Variants in NWD2 observed in about 807,000 individuals in gnomAD.
NWD2 encodes the protein NACHT and WD repeat domain containing 2.
Under a neutral mutation model 132.7 loss-of-function variants are expected in NWD2, and 37 were observed. That is an observed-to-expected ratio of 0.28 (90% CI 0.21 to 0.37). The LOEUF (loss-of-function observed/expected upper bound fraction) is 0.37, where lower values mean the gene tolerates loss of function less well. Among genes scored for constraint, NWD2 ranks in the 10% least tolerant of loss-of-function variants. NWD2 has a pLI of 1.00. For missense variants in NWD2, 1,592 were observed against 2,122.4 expected (o/e 0.75, Z 4.91); for synonymous variants, 705 against 803.0 (o/e 0.88, Z 2.06).
intron 1 of NWD2, among the ~76,000 whole-genome samples, chr4:37,318,372 C>T (rs1301797807): frequency 6.6e-6 from 1 of 152,064 alleles, no homozygotes; most frequent in East Asian, 1.9e-4. Flanking sequence ...GAAGGTCTTG[C>T]CTTCCATGAA....
intron 3 of NWD2, among the ~76,000 whole-genome samples, chr4:37,417,458 A>C (rs1262396254): frequency 6.6e-6 from 1 of 152,214 alleles, no homozygotes; most frequent in Admixed American, 6.5e-5. Flanking sequence ...TTGCTAATAG[A>C]CTAATGGGGT....
chr4:37,302,141 C>T (rs1004154199), intron 1 of NWD2, among the ~76,000 whole-genome samples: 2 of 151,808 alleles, frequency 1.3e-5, no homozygotes, highest in African/African-American at 4.8e-5. Context: ...AATCTAGTAT[C>T]CACAATTCTA....
At chr4:37,313,510 C>A in intron 1 of NWD2, among the ~76,000 whole-genome samples, 1 of 135,434 alleles carries the variant, frequency 7.4e-6, no homozygotes, top group Non-Finnish European at 1.6e-5. Context: ...CTAGTTGATT[C>A]TTCTGTCTTT....
rs143640574 is a variant in NWD2 at position 37,267,311 on chromosome 4, G to A, written c.151+22093G>A. On this transcript the variant is annotated intron_variant, in intron 1 of 6. Coordinates refer to ENST00000309447, the MANE Select transcript of NWD2 (RefSeq NM_001144990.2). ...TTGGTGGTTTACTATGATTATTTAT[G>A]CATATTAAGGCCTGTGACTCATAAT... 2.8e-3 allele frequency among the ~76,000 whole-genome samples: 426 copies of A among 151,996 alleles called. 3 individuals are homozygous for A. The highest frequency in any genetic ancestry group is 9.8e-3 in the African/African-American group (406 of 41,500).
At chr4:37,385,012 G>T (rs1720532462) in intron 3 of NWD2, among the ~76,000 whole-genome samples, 2 of 152,104 alleles carry the variant, frequency 1.3e-5, no homozygotes, top group African/African-American at 4.8e-5. Flanking sequence ...TATGTATCAA[G>T]ACATCATATT....
At chr4:37,257,697 A>G (rs1038767948) in intron 1 of NWD2, among the ~76,000 whole-genome samples, 1 of 152,194 alleles carries the variant, frequency 6.6e-6, no homozygotes, top group Non-Finnish European at 1.5e-5. Flanking sequence ...CATGCCACCT[A>G]TATGATCATA....
chr4:37,405,508 T>C (rs1233155108), intron 3 of NWD2, among the ~76,000 whole-genome samples: 1 of 151,736 alleles, frequency 6.6e-6, no homozygotes, highest in Non-Finnish European at 1.5e-5. Flanking sequence ...TCAGGGCGAA[T>C]TGCATGTAAT....
At chr4:37,335,304 G>GGT (rs1719381696) in intron 2 of NWD2, among the ~76,000 whole-genome samples, 1 of 115,888 alleles carries the variant, frequency 8.6e-6, no homozygotes, top group Non-Finnish European at 1.7e-5. Context: ...GGTGGGCGGG[G>GGT]GGGGGGGGCT....
chr4:37,264,422 C>T (rs923569218), intron 1 of NWD2, among the ~76,000 whole-genome samples: 4 of 152,110 alleles, frequency 2.6e-5, no homozygotes, highest in Admixed American at 6.6e-5. Flanking sequence ...TCATAACCAG[C>T]TGACCTTTTT....
At chr4:37,302,698 A>G (rs764415076) in intron 1 of NWD2, among the ~76,000 whole-genome samples, 1 of 151,894 alleles carries the variant, frequency 6.6e-6, no homozygotes, top group Non-Finnish European at 1.5e-5. Context: ...TTTGATTTGT[A>G]TTTCCCTGAT....
At chr4:37,314,549 A>G (rs1718919074) in intron 1 of NWD2, among the ~76,000 whole-genome samples, 1 of 152,198 alleles carries the variant, frequency 6.6e-6, no homozygotes, top group Non-Finnish European at 1.5e-5. Context: ...TATTAGAAAT[A>G]AAGTTGTTGT....
At chr4:37,326,254 CTT>C (rs763057502) in intron 2 of NWD2, among the ~76,000 whole-genome samples, 4 of 152,090 alleles carry the variant, frequency 2.6e-5, no homozygotes, top group Non-Finnish European at 5.9e-5. Context: ...ATGGGCTCAT[CTT>C]TTTCTTTGAA....
At chr4:37,405,755 C>T (rs1230369844) in intron 3 of NWD2, among the ~76,000 whole-genome samples, 2 of 152,146 alleles carry the variant, frequency 1.3e-5, no homozygotes, top group African/African-American at 4.8e-5. Context: ...TATAATTTCA[C>T]CCAGAGTGCT....
At chr4:37,397,253 G>T (rs1266902369) in intron 3 of NWD2, among the ~76,000 whole-genome samples, 1 of 152,144 alleles carries the variant, frequency 6.6e-6, no homozygotes, top group Non-Finnish European at 1.5e-5. Flanking sequence ...AAATCCTGAG[G>T]TTTAGGGAAA....
intron 1 of NWD2, among the ~76,000 whole-genome samples, chr4:37,257,349 T>G (rs766474340): frequency 6.6e-6 from 1 of 152,208 alleles, no homozygotes; most frequent in Non-Finnish European, 1.5e-5. Context: ...CATTATAATG[T>G]GTCCTAAGAA....
At chr4:37,403,665 C>T (rs1720941465) in intron 3 of NWD2, among the ~76,000 whole-genome samples, 1 of 143,940 alleles carries the variant, frequency 6.9e-6, no homozygotes, top group African/African-American at 2.5e-5. Context: ...ATGCATAGAT[C>T]ATCTTTGATA....
At chr4:37,437,285 C>T (rs535370443) in intron 5 of NWD2, among the ~76,000 whole-genome samples, 205 of 152,202 alleles carry the variant, frequency 1.3e-3, no homozygotes, top group Non-Finnish European at 2.3e-3. Context: ...GCCAACTTCC[C>T]GCTCACAGAT....
intron 3 of NWD2, among the ~76,000 whole-genome samples, chr4:37,383,271 C>T (rs1401528980): frequency 6.6e-6 from 1 of 152,182 alleles, no homozygotes; most frequent in East Asian, 1.9e-4. Context: ...TTCTCCCTCT[C>T]CCCCTTTGAT....
chr4:37,286,979 C>T lies in NWD2; in HGVS notation c.152-38957C>T, dbSNP rs184581123. 1.7e-4 allele frequency among the ~76,000 whole-genome samples: 26 copies of T among 152,206 alleles called. No individual in the cohort carries two copies. In the East Asian group the frequency reaches 4.2e-3, roughly 25 times the overall value. On this transcript the variant is annotated intron_variant, in intron 1 of 6. Coordinates refer to ENST00000309447, the MANE Select transcript of NWD2 (RefSeq NM_001144990.2). ...CCGGTCATCAGGGTATCCAGGTTCT[C>T]TCATCAGAACTGACGAGGTGACTGA...
Sources: allele counts gnomAD v4.1 joint callset (sites outside exome capture counted in the v4.1 genomes callset), GRCh38; gene constraint gnomAD v4.1.1; transcripts MANE v1.5; gene names NCBI Gene and HGNC (gene_info 2026-07-23, HGNC 2026-07-21).